Variants in CAMK1D observed in about 807,000 individuals in gnomAD.
CAMK1D encodes calcium/calmodulin-dependent protein kinase type 1D.
CAMK1D carries 9 observed loss-of-function variants against 47.7 expected under a neutral mutation model. The ratio of observed to expected loss-of-function variants is 0.19; its 90% confidence interval spans 0.11 to 0.33. The LOEUF (loss-of-function observed/expected upper bound fraction) is 0.33, where lower values mean the gene tolerates loss of function less well. Among genes scored for constraint, CAMK1D ranks in the 10% least tolerant of loss-of-function variants. CAMK1D has a pLI of 1.00. For missense variants in CAMK1D, 291 were observed against 488.7 expected (o/e 0.60, Z 3.81); for synonymous variants, 184 against 184.9 (o/e 0.99, Z 0.04).
intron 2 of CAMK1D, among the ~76,000 whole-genome samples, chr10:12,639,198 T>C (rs1436780233): frequency 6.6e-6 from 1 of 152,214 alleles, no homozygotes; most frequent in Non-Finnish European, 1.5e-5. Flanking sequence ...TAAAAAGACC[T>C]AATCAGGCCG....
chr10:12,730,711 G>A (rs1302038433), intron 3 of CAMK1D, among the ~76,000 whole-genome samples: 1 of 152,152 alleles, frequency 6.6e-6, no homozygotes, highest in Non-Finnish European at 1.5e-5. Flanking sequence ...AAAATCAATA[G>A]CGGTACCTTG....
chr10:12,362,482 CTTTTTGT>C (rs113618438), intron 1 of CAMK1D, among the ~76,000 whole-genome samples: 14,252 of 140,740 alleles, frequency 0.1, 767 homozygotes, highest in East Asian at 0.23. Flanking sequence ...CTCCCATGTA[CTTTTTGT>C]TTTTTGTTTT....
intron 1 of CAMK1D, among the ~76,000 whole-genome samples, chr10:12,501,010 C>T (rs1834686085): frequency 1.3e-5 from 2 of 152,188 alleles, no homozygotes; most frequent in African/African-American, 2.4e-5. Flanking sequence ...GTGCCAAAGA[C>T]CTCTGGGCTA....
At chr10:12,409,046 G>A (rs1030654794) in intron 1 of CAMK1D, among the ~76,000 whole-genome samples, 2 of 151,766 alleles carry the variant, frequency 1.3e-5, no homozygotes, top group African/African-American at 2.4e-5. Context: ...TAGTAGAGAC[G>A]GAGTTTCGCC....
At position 12,624,671 on chromosome 10, in the gene CAMK1D, C is replaced by T. The variant is rs187063876; in HGVS notation, c.225-42065C>T. Among the ~76,000 whole-genome samples, 310 of 152,358 alleles carry T rather than the reference C, an allele frequency of 2.0e-3. 1 individual carries two copies. In the Middle Eastern group the frequency reaches 0.034, roughly 17 times the overall value. On this transcript the variant is annotated intron_variant, in intron 2 of 10. Coordinates refer to ENST00000619168, the MANE Select transcript of CAMK1D (RefSeq NM_153498.4). ...ATTTAGCTGTTACACCTCTTGGCTA[C>T]TGTGAACCTCCTTCCTTTCCTTTTT... is the stretch of plus-strand genomic sequence containing the variant.
At chr10:12,624,771 T>C (rs1243926551) in intron 2 of CAMK1D, among the ~76,000 whole-genome samples, 2 of 152,198 alleles carry the variant, frequency 1.3e-5, no homozygotes, top group Admixed American at 1.3e-4. Context: ...GCTATAGTGA[T>C]GTTTGCTTCC....
At chr10:12,428,745 C>G (rs1193858648) in intron 1 of CAMK1D, among the ~76,000 whole-genome samples, 2 of 152,180 alleles carry the variant, frequency 1.3e-5, no homozygotes, top group African/African-American at 4.8e-5. Context: ...TGTTGAAATT[C>G]TCACTCCCAA....
chr10:12,427,698 C>CTTTTTTTTT (rs1588474191), intron 1 of CAMK1D, among the ~76,000 whole-genome samples: 2 of 27,366 alleles, frequency 7.3e-5, no homozygotes, highest in African/African-American at 1.1e-4. Context: ...ACTGAACTTA[C>CTTTTTTTTT]TGTTTTTTTT....
intron 2 of CAMK1D, among the ~76,000 whole-genome samples, chr10:12,662,179 G>T (rs767093138): frequency 1.3e-5 from 2 of 152,176 alleles, no homozygotes; most frequent in Non-Finnish European, 2.9e-5. Context: ...CACATGGGAT[G>T]GATATTTACC....
intron 3 of CAMK1D, among the ~76,000 whole-genome samples, chr10:12,736,864 C>T (rs751675702): frequency 2.0e-5 from 3 of 152,334 alleles, no homozygotes; most frequent in African/African-American, 4.8e-5. Flanking sequence ...ATAGCCCCTG[C>T]GTTTCTCTCT....
intron 1 of CAMK1D, among the ~76,000 whole-genome samples, chr10:12,452,972 C>G (rs535843047): frequency 1.3e-5 from 2 of 152,118 alleles, no homozygotes; most frequent in African/African-American, 4.8e-5. Flanking sequence ...TCTTCCCAGA[C>G]AGAAACTCTG....
chr10:12,351,109 C>A (rs904562119), intron 1 of CAMK1D, among the ~76,000 whole-genome samples: 2 of 152,100 alleles, frequency 1.3e-5, no homozygotes, highest in Admixed American at 6.5e-5. Context: ...CATTTCCCCT[C>A]ACCCCCACGC....
At position 12,471,906 on chromosome 10, in the gene CAMK1D, G is replaced by T. The variant is rs148616458; in HGVS notation, c.93-81319G>T. Among the ~76,000 whole-genome samples, 724 of 151,542 alleles carry T rather than the reference G, an allele frequency of 4.8e-3. 3 individuals carry two copies. The highest frequency in any genetic ancestry group is 0.017 in the African/African-American group (691 of 41,296). On this transcript the variant is annotated intron_variant, in intron 1 of 10. Transcript: ENST00000619168. ...AAAAATTAGCAGGGCTTGGTGGTGC[G>T]TACCTGTTGTCCCAGCTACTCTGGA...
At chr10:12,654,636 T>C (rs916024316) in intron 2 of CAMK1D, among the ~76,000 whole-genome samples, 6 of 152,240 alleles carry the variant, frequency 3.9e-5, no homozygotes, top group African/African-American at 1.2e-4. Flanking sequence ...GTTATTTTTT[T>C]CATATTCTTA....
intron 3 of CAMK1D, among the ~76,000 whole-genome samples, chr10:12,731,489 C>G (rs1025820562): frequency 3.9e-5 from 6 of 152,200 alleles, no homozygotes; most frequent in Admixed American, 3.3e-4. Flanking sequence ...TCAGCATGAT[C>G]GGGAGTTTAA....
intron 2 of CAMK1D, among the ~76,000 whole-genome samples, chr10:12,583,208 C>T (rs1453038370): frequency 6.6e-6 from 1 of 152,114 alleles, no homozygotes; most frequent in Non-Finnish European, 1.5e-5. Context: ...TACATCTGTA[C>T]AGGGACAGTT....
chr10:12,546,386 T>C (rs1168977227), intron 1 of CAMK1D, among the ~76,000 whole-genome samples: 1 of 152,072 alleles, frequency 6.6e-6, no homozygotes, highest in Non-Finnish European at 1.5e-5. Context: ...AGCAGTAAAG[T>C]AGACAGGTTT....
intron 4 of CAMK1D, among the ~76,000 whole-genome samples, chr10:12,761,674 G>A (rs1836515529): frequency 6.6e-6 from 1 of 152,142 alleles, no homozygotes; most frequent in Admixed American, 6.5e-5. Context: ...AGATCATGAG[G>A]TTAAGAAATC....
At chr10:12,358,801 C>G (rs1225840514) in intron 1 of CAMK1D, among the ~76,000 whole-genome samples, 1 of 152,132 alleles carries the variant, frequency 6.6e-6, no homozygotes, top group Non-Finnish European at 1.5e-5. Flanking sequence ...TGGCACATAA[C>G]TGGGATTGAA....
Sources: gnomAD v4.1 joint callset for allele counts (sites outside exome capture counted in the v4.1 genomes callset) on GRCh38, gnomAD v4.1.1 for gene constraint, MANE v1.5 for transcripts, NCBI Gene and HGNC (gene_info 2026-07-23, HGNC 2026-07-21) for gene names.